Variants in ROBO2 observed in about 807,000 individuals in gnomAD.
ROBO2 encodes roundabout guidance receptor 2.
ROBO2 carries 53 observed loss-of-function variants against 160.8 expected under a neutral mutation model. That is an observed-to-expected ratio of 0.33 (90% CI 0.26 to 0.41). The LOEUF (loss-of-function observed/expected upper bound fraction) is 0.41, where lower values mean the gene tolerates loss of function less well. ROBO2 is among the 10% of genes least tolerant of loss of function. The probability of loss-of-function intolerance (pLI) is 1.00; values close to 1 mark genes in which losing one functional copy is unlikely to be tolerated. For synonymous variants in ROBO2, 664 were observed against 611.7 expected, an observed-to-expected ratio of 1.09 and a Z score of -1.26; for missense variants, 1,577 against 1,722.4, an observed-to-expected ratio of 0.92 and a Z score of 1.49.
At chr3:76,063,794 G>T (rs181248666) in intron 2 of ROBO2, among the ~76,000 whole-genome samples, 1 of 152,242 alleles carries the variant, frequency 6.6e-6, no homozygotes, top group Admixed American at 6.5e-5. Flanking sequence ...CATGTGCTTT[G>T]TTTAATACCC....
intron 2 of ROBO2, among the ~76,000 whole-genome samples, chr3:76,060,620 G>T (rs545948950): frequency 1.2e-4 from 18 of 152,300 alleles, no homozygotes; most frequent in African/African-American, 4.3e-4. Flanking sequence ...ACAATGGGAA[G>T]TATAAATATA....
At chr3:76,233,649 T>C (rs1704757913) in intron 2 of ROBO2, among the ~76,000 whole-genome samples, 1 of 152,212 alleles carries the variant, frequency 6.6e-6, no homozygotes, top group Non-Finnish European at 1.5e-5. Context: ...CATTCAAAGC[T>C]GAACGTAATT....
chr3:77,294,800 G>A (rs1451453624), intron 2 of ROBO2, among the ~76,000 whole-genome samples: 1 of 150,756 alleles, frequency 6.6e-6, no homozygotes, highest in Non-Finnish European at 1.5e-5. Context: ...CGGGTAAGCT[G>A]AGGCTAGATC....
intron 2 of ROBO2, among the ~76,000 whole-genome samples, chr3:76,495,780 G>T (rs998959761): frequency 1.9e-4 from 29 of 152,244 alleles, no homozygotes; most frequent in African/African-American, 6.5e-4. Context: ...TACAAAATAT[G>T]AAATCCATGT....
At chr3:77,306,163 G>A (rs1032583827) in intron 2 of ROBO2, among the ~76,000 whole-genome samples, 6 of 151,958 alleles carry the variant, frequency 3.9e-5, no homozygotes, top group Admixed American at 3.3e-4. Context: ...TTATAATAAT[G>A]TATTCATATA....
chr3:77,073,925 A>T (rs889582711), intron 1 of ROBO2, among the ~76,000 whole-genome samples: 1 of 152,200 alleles, frequency 6.6e-6, no homozygotes, highest in African/African-American at 2.4e-5. Flanking sequence ...ACACAAAGAA[A>T]GGGATAAATG....
intron 2 of ROBO2, among the ~76,000 whole-genome samples, chr3:77,247,277 C>CT (rs1237075222): frequency 6.6e-6 from 1 of 152,150 alleles, no homozygotes; most frequent in Non-Finnish European, 1.5e-5. Flanking sequence ...GGCTTGGAGT[C>CT]TAATCTTTAT....
intron 2 of ROBO2, among the ~76,000 whole-genome samples, chr3:76,064,562 T>C (rs1321806093): frequency 6.6e-6 from 1 of 152,202 alleles, no homozygotes; most frequent in African/African-American, 2.4e-5. Flanking sequence ...AATACTAATA[T>C]ATGATTAGCT....
At chr3:77,166,754 G>GT (rs2079125838) in intron 2 of ROBO2, among the ~76,000 whole-genome samples, 1 of 152,026 alleles carries the variant, frequency 6.6e-6, no homozygotes, top group Non-Finnish European at 1.5e-5. Flanking sequence ...TAGAGATGGT[G>GT]TTTCACCGGT....
chr3:77,646,826 T>C lies in ROBO2; in HGVS notation c.*771T>C, dbSNP rs559352958. 5 of 152,638 alleles carry C rather than the reference T, an allele frequency of 3.3e-5. No individual in the cohort carries two copies. The South Asian group carries it at 1.0e-3, about 32-fold the overall frequency. 9.5% of individuals were successfully genotyped at this position (152,638 alleles called of 1,614,324 possible). On this transcript the variant is annotated 3_prime_UTR_variant, in exon 26 of 26. Coordinates refer to ENST00000461745, the Ensembl canonical transcript of ROBO2. ...ATGCAGGTAGCAAAGATGTAATAAA[T>C]TTGCTTAAAAAAAGAAATTAAAGTT... is the stretch of plus-strand genomic sequence containing the variant.
At chr3:75,958,599 T>G (rs1948799507) in intron 2 of ROBO2, among the ~76,000 whole-genome samples, 1 of 151,760 alleles carries the variant, frequency 6.6e-6, no homozygotes, top group Admixed American at 6.6e-5. Flanking sequence ...AGGGGGCAGC[T>G]TTGGAGTCAA....
At chr3:77,248,373 A>G (rs1257092034) in intron 2 of ROBO2, among the ~76,000 whole-genome samples, 3 of 151,524 alleles carry the variant, frequency 2.0e-5, no homozygotes, top group Non-Finnish European at 4.4e-5. Flanking sequence ...TGAGCTGTTA[A>G]CACTGAAAAA....
At chr3:76,457,611 C>G (rs758360690) in intron 2 of ROBO2, among the ~76,000 whole-genome samples, 5 of 152,192 alleles carry the variant, frequency 3.3e-5, no homozygotes, top group Admixed American at 6.5e-5. Flanking sequence ...GGCAGTGCCC[C>G]TGTAGAGACC....
intron 2 of ROBO2, among the ~76,000 whole-genome samples, chr3:76,362,588 TATTA>T (rs1226614696): frequency 1.3e-5 from 2 of 152,164 alleles, no homozygotes; most frequent in African/African-American, 2.4e-5. Flanking sequence ...CTTCAATCTC[TATTA>T]ATTCATGAAT....
chr3:76,845,809 T>G (rs564687750), intron 2 of ROBO2, among the ~76,000 whole-genome samples: 1 of 152,190 alleles, frequency 6.6e-6, no homozygotes, highest in African/African-American at 2.4e-5. Context: ...TGACAACTTG[T>G]GAAAGTTCCT....
At chr3:76,206,293 G>A (rs1702803071) in intron 2 of ROBO2, among the ~76,000 whole-genome samples, 1 of 151,948 alleles carries the variant, frequency 6.6e-6, no homozygotes, top group South Asian at 2.1e-4. Context: ...AGTTTAATAA[G>A]TTATCATTGG....
chr3:77,552,052 C>A (rs1329777373), intron 8 of ROBO2, among the ~76,000 whole-genome samples: 1 of 151,932 alleles, frequency 6.6e-6, no homozygotes, highest in Non-Finnish European at 1.5e-5. Context: ...AAGGAGAAGT[C>A]AGGTTCAAGG....
chr3:77,369,517 T>C (rs1347189183), intron 2 of ROBO2, among the ~76,000 whole-genome samples: 1 of 152,188 alleles, frequency 6.6e-6, no homozygotes, highest in Non-Finnish European at 1.5e-5. Flanking sequence ...AGGCCATAAC[T>C]GAGCACTTCT....
chr3:77,486,534 TCA>T (rs2085375180), intron 4 of ROBO2, among the ~76,000 whole-genome samples: 1 of 108,830 alleles, frequency 9.2e-6, no homozygotes. Flanking sequence ...GAACTTTTTT[TCA>T]TATGTTTGTT....
Sources: allele counts gnomAD v4.1 joint callset (sites outside exome capture counted in the v4.1 genomes callset), GRCh38; gene constraint gnomAD v4.1.1; transcripts MANE v1.5; gene names NCBI Gene and HGNC (gene_info 2026-07-23, HGNC 2026-07-21).